XRN1: variants seen among roughly 807,000 people sequenced by gnomAD.
XRN1 encodes the protein 5'-3' exoribonuclease 1, also known as strand-exchange protein 1 homolog.
XRN1 carries 67 observed loss-of-function variants against 222.3 expected under a neutral mutation model. The ratio of observed to expected loss-of-function variants is 0.30; its 90% CI spans 0.25 to 0.37. The LOEUF is 0.37. XRN1 is among the 10% of genes least tolerant of loss of function. The pLI is 1.00. For missense variants in XRN1, 1,707 were observed against 2,000.2 expected (o/e 0.85, Z 2.80); for synonymous variants, 643 against 652.4 (o/e 0.99, Z 0.22).
chr3:142,397,584 T>G (rs2067977678), intron 19 of XRN1, 124 bp from the exon 20 acceptor site: 1 of 621,208 alleles, frequency 1.6e-6, no homozygotes. Context: ...ACCCCACAAC[T>G]GTAATGTAAA....
At chr3:142,364,500 T>C (rs561727669) in intron 29 of XRN1, among the ~76,000 whole-genome samples, 2 of 152,318 alleles carry the variant, frequency 1.3e-5, no homozygotes, top group African/African-American at 2.4e-5. Context: ...GTGAACTGTA[T>C]GCACACTGTT....
At chr3:142,403,815 T>C in intron 17 of XRN1, 43 bp from the exon 18 acceptor site, 1 of 1,610,926 alleles carries the variant, frequency 6.2e-7, no homozygotes, top group Non-Finnish European at 8.5e-7. Flanking sequence ...TCTTTCTCCA[T>C]AATCACTTCA....
chr3:142,339,214 C>A (rs538367115), intron 33 of XRN1, among the ~76,000 whole-genome samples: 19 of 152,306 alleles, frequency 1.2e-4, no homozygotes, highest in African/African-American at 4.6e-4. Flanking sequence ...ACCCCATCCC[C>A]AAGCCCAGGT....
chr3:142,397,523 G>T, intron 19 of XRN1, 63 bp from the exon 20 acceptor site: 1 of 1,315,206 alleles, frequency 7.6e-7, no homozygotes, highest in Non-Finnish European at 1.0e-6. Context: ...AGTTCTAGCA[G>T]TGTGAGTCTT....
intron 15 of XRN1, among the ~76,000 whole-genome samples, chr3:142,409,658 T>C (rs1447771004): frequency 2.3e-4 from 35 of 152,214 alleles, no homozygotes; most frequent in Non-Finnish European, 1.5e-5. Context: ...TGCAATCTTA[T>C]AAAAACTTTA....
chr3:142,413,597 G>GT (rs2068673519), intron 14 of XRN1, among the ~76,000 whole-genome samples: 1 of 152,196 alleles, frequency 6.6e-6, no homozygotes, highest in South Asian at 2.1e-4. Flanking sequence ...TAGGCTTAGC[G>GT]TAATTTTGGT....
chr3:142,368,943 G>A (rs1027517058), intron 27 of XRN1, among the ~76,000 whole-genome samples: 5 of 152,102 alleles, frequency 3.3e-5, no homozygotes, highest in African/African-American at 1.2e-4. Flanking sequence ...ATCTTTTTGA[G>A]GACACTCTGA....
chr3:142,327,446 C>G (rs1299137415), intron 37 of XRN1, among the ~76,000 whole-genome samples: 1 of 151,624 alleles, frequency 6.6e-6, no homozygotes, highest in East Asian at 1.9e-4. Flanking sequence ...GATGTAATGA[C>G]TCCTTTTTCA....
At chr3:142,433,063 T>C (rs989226986) in intron 1 of XRN1, among the ~76,000 whole-genome samples, 170 bp from the exon 2 acceptor site, 1 of 152,314 alleles carries the variant, frequency 6.6e-6, no homozygotes, top group South Asian at 2.1e-4. Flanking sequence ...GAATTGGTAA[T>C]ATGGTGACAA....
At chr3:142,327,183 T>C (rs1224911442) in intron 37 of XRN1, among the ~76,000 whole-genome samples, 1 of 152,148 alleles carries the variant, frequency 6.6e-6, no homozygotes, top group Non-Finnish European at 1.5e-5. Context: ...AGAACTCTTA[T>C]TAGCTCTTCT....
intron 15 of XRN1, among the ~76,000 whole-genome samples, chr3:142,410,908 TA>T (rs2068551179): frequency 6.6e-6 from 1 of 152,220 alleles, no homozygotes; most frequent in Non-Finnish European, 1.5e-5. Flanking sequence ...GCTAGTCTAA[TA>T]AAATGTTGGG....
intron 29 of XRN1, among the ~76,000 whole-genome samples, chr3:142,363,555 T>C (rs1050923992): frequency 1.3e-5 from 2 of 151,550 alleles, no homozygotes; most frequent in Admixed American, 6.6e-5. Context: ...AATTTTACTC[T>C]AGTTTGTAAA....
In XRN1 at chr3:142,447,936, G is replaced by T. The variant is rs192263424; in HGVS notation, c.9C>A (p.Val3=). ...CTGAGATCCATCTGTAAAACTTGGG[G>T]ACTCCCATTTCGATCGTCAACACTA... MG[V]PKFYRWISER... is the part of the protein sequence containing the mutation. The change falls in exon 1 of 41, where the codon GTC becomes GTA. Residue 3 remains valine, a synonymous_variant. Transcript: ENST00000392981. The surrounding 1 kb of genome is among the most constrained non-coding windows in gnomAD (Gnocchi z 4.2). The T allele has an allele frequency of 6.2e-7, 1 of 1,613,962 alleles. No homozygotes were observed. The highest frequency in any genetic ancestry group is 8.5e-7 in the Non-Finnish European group (1 of 1,179,972).
At chr3:142,384,310 A>G (rs1234020423) in intron 21 of XRN1, among the ~76,000 whole-genome samples, 3 of 151,802 alleles carry the variant, frequency 2.0e-5, no homozygotes, top group African/African-American at 7.3e-5. Flanking sequence ...ATACGAAAGC[A>G]TAAAAGACAA....
intron 2 of XRN1, among the ~76,000 whole-genome samples, chr3:142,429,095 TAAATG>T (rs1289346801): frequency 1.3e-5 from 2 of 150,666 alleles, no homozygotes; most frequent in African/African-American, 4.9e-5. Context: ...ATGCTGTGGA[TAAATG>T]AAATAAGTTG....
chr3:142,368,379 C>G (rs922161932), intron 27 of XRN1, among the ~76,000 whole-genome samples: 1 of 152,126 alleles, frequency 6.6e-6, no homozygotes, highest in Non-Finnish European at 1.5e-5. Flanking sequence ...GAACTCCTGA[C>G]CTCAGGTGAT....
intron 23 of XRN1, 37 bp from the exon 24 acceptor site, chr3:142,376,631 C>T: frequency 7.2e-7 from 1 of 1,386,288 alleles, no homozygotes; most frequent in Non-Finnish European, 1.0e-6. Flanking sequence ...ATTATGGAAA[C>T]ACAAGTTTAC....
intron 39 of XRN1, among the ~76,000 whole-genome samples, chr3:142,315,355 C>A (rs2065185311): frequency 6.6e-6 from 1 of 151,872 alleles, no homozygotes; most frequent in Non-Finnish European, 1.5e-5. Flanking sequence ...ATAGGCCTTC[C>A]AAAGTGCTGG....
intron 30 of XRN1, 72 bp from the exon 31 acceptor site, chr3:142,357,191 T>G: frequency 7.0e-7 from 1 of 1,436,064 alleles, no homozygotes; most frequent in Non-Finnish European, 9.6e-7. Flanking sequence ...AGTCAAATAA[T>G]TTTTGGTGGA....
Sources: allele counts gnomAD v4.1 joint callset (sites outside exome capture counted in the v4.1 genomes callset), GRCh38; gene constraint gnomAD v4.1.1; non-coding constraint Gnocchi (gnomAD v3.1); transcripts MANE v1.5; gene names NCBI Gene and HGNC (gene_info 2026-07-23, HGNC 2026-07-21).